Variants in NRG3 observed in about 807,000 individuals in gnomAD.
NRG3 encodes pro-neuregulin-3, membrane-bound isoform.
NRG3 carries 31 observed loss-of-function variants against 66.9 expected under a neutral mutation model. The ratio of observed to expected loss-of-function variants is 0.46; its 90% CI spans 0.35 to 0.63. NRG3 has a LOEUF of 0.63. NRG3 is among the 20% of genes least tolerant of loss of function. The pLI is 0.00. For synonymous variants in NRG3, 393 were observed against 359.4 expected, an observed-to-expected ratio of 1.09 and a Z score of -1.06; for missense variants, 910 against 878.9, an observed-to-expected ratio of 1.04 and a Z score of -0.45.
chr10:82,608,436 C>A (rs1471657228), intron 2 of NRG3, among the ~76,000 whole-genome samples: 3 of 152,034 alleles, frequency 2.0e-5, no homozygotes, highest in Non-Finnish European at 4.4e-5. Flanking sequence ...GTTCCCTGGG[C>A]TTTCTGGATC....
chr10:82,174,206 C>T (rs2072856706), intron 1 of NRG3, among the ~76,000 whole-genome samples: 1 of 152,060 alleles, frequency 6.6e-6, no homozygotes, highest in South Asian at 2.1e-4. Context: ...CTAGTAGTCC[C>T]ATTATTGCAC....
intron 2 of NRG3, among the ~76,000 whole-genome samples, chr10:82,410,713 G>A (rs2088009835): frequency 6.6e-6 from 1 of 151,846 alleles, no homozygotes; most frequent in African/African-American, 2.4e-5. Flanking sequence ...ATATCCAAAT[G>A]TATCTTTTCT....
chr10:82,489,946 T>A (rs1842961693), intron 2 of NRG3, among the ~76,000 whole-genome samples: 1 of 152,138 alleles, frequency 6.6e-6, no homozygotes, highest in African/African-American at 2.4e-5. Flanking sequence ...CTACTGAAAG[T>A]CATTTTCAAC....
rs201858635 is a variant in NRG3 at position 82,064,592 on chromosome 10, G to A, written c.823+188429G>A. On this transcript the variant is annotated intron_variant, in intron 1 of 8. Coordinates refer to ENST00000372141, the MANE Select transcript of NRG3 (RefSeq NM_001010848.4). ...ATAATCTTTGATGGATAAATGTAAA[G>A]CTATAGACGGACGATCAAGGAGTAA... 2.0e-5 allele frequency among the ~76,000 whole-genome samples: 3 copies of A among 152,054 alleles called. No individual in the cohort carries two copies. The East Asian group carries it at 5.8e-4, about 29-fold the overall frequency.
chr10:82,392,132 CTCTGCTG>C (rs1438760083), intron 2 of NRG3, among the ~76,000 whole-genome samples: 1 of 151,970 alleles, frequency 6.6e-6, no homozygotes, highest in Non-Finnish European at 1.5e-5. Context: ...TGTTATCACA[CTCTGCTG>C]TCTTCACCAA....
intron 1 of NRG3, among the ~76,000 whole-genome samples, chr10:82,216,500 A>G (rs959774479): frequency 4.0e-5 from 6 of 149,178 alleles, no homozygotes; most frequent in African/African-American, 1.5e-4. Context: ...CTCTATCTAT[A>G]CATATACACA....
At chr10:82,834,658 G>GCTGC (rs1015489119) in intron 3 of NRG3, among the ~76,000 whole-genome samples, 2 of 152,172 alleles carry the variant, frequency 1.3e-5, no homozygotes, top group African/African-American at 2.4e-5. Context: ...CACTCAAGGT[G>GCTGC]CTGCTGTGTC....
At chr10:81,905,367 C>T (rs914950011) in intron 1 of NRG3, among the ~76,000 whole-genome samples, 2 of 152,186 alleles carry the variant, frequency 1.3e-5, no homozygotes, top group Non-Finnish European at 2.9e-5. Context: ...CCTGCAAAGC[C>T]TCTGGCTACC....
chr10:82,868,707 T>C (rs528563670), intron 4 of NRG3, among the ~76,000 whole-genome samples: 1 of 152,328 alleles, frequency 6.6e-6, no homozygotes, highest in African/African-American at 2.4e-5. Flanking sequence ...TATTTTTATT[T>C]TTTGAGATGG....
rs566362555 is a variant in NRG3 at position 82,239,985 on chromosome 10, TA to T, written c.824-118753del. On this transcript the variant is annotated intron_variant, in intron 1 of 8. Transcript: ENST00000372141. ...CCTTTCCCATAATAGAGTGTACTGG[TA>T]TTTTTTTTAAAATAAGTGCAAGTCA... Among the ~76,000 whole-genome samples, 503 of 152,264 alleles carry T rather than the reference TA, an allele frequency of 3.3e-3. 5 individuals carry two copies. The highest frequency in any genetic ancestry group is 0.012 in the African/African-American group (484 of 41,576).
intron 1 of NRG3, among the ~76,000 whole-genome samples, chr10:81,945,620 C>G (rs1257032879): frequency 1.3e-5 from 2 of 152,110 alleles, no homozygotes; most frequent in Admixed American, 6.6e-5. Context: ...CCTTTTACAT[C>G]TTGATACAGT....
intron 1 of NRG3, among the ~76,000 whole-genome samples, chr10:82,282,402 T>C (rs940595123): frequency 5.3e-5 from 8 of 152,190 alleles, no homozygotes; most frequent in African/African-American, 1.9e-4. Flanking sequence ...AGTCACTTCC[T>C]TTATGCTAGT....
chr10:82,792,744 G>A (rs1328048083), intron 3 of NRG3, among the ~76,000 whole-genome samples: 2 of 151,964 alleles, frequency 1.3e-5, no homozygotes, highest in African/African-American at 2.4e-5. Flanking sequence ...GCAATGGCAT[G>A]CCCTCAGCTC....
chr10:82,363,479 G>T (rs763321568), intron 2 of NRG3, among the ~76,000 whole-genome samples: 5 of 151,672 alleles, frequency 3.3e-5, no homozygotes, highest in Admixed American at 3.3e-4. Context: ...TTTTTGAGAC[G>T]GAGTCTCGCT....
intron 1 of NRG3, among the ~76,000 whole-genome samples, chr10:82,342,456 C>A (rs2082731804): frequency 6.6e-6 from 1 of 152,002 alleles, no homozygotes; most frequent in Non-Finnish European, 1.5e-5. Flanking sequence ...TTAATATTAA[C>A]CATTCTGGCT....
chr10:82,694,153 A>G (rs753290927), intron 2 of NRG3, among the ~76,000 whole-genome samples: 1 of 152,150 alleles, frequency 6.6e-6, no homozygotes, highest in Non-Finnish European at 1.5e-5. Context: ...TTAGCTAGAC[A>G]CAGAGCGCTG....
intron 1 of NRG3, among the ~76,000 whole-genome samples, chr10:82,177,721 G>A (rs1352361392): frequency 1.3e-5 from 2 of 152,126 alleles, no homozygotes; most frequent in Non-Finnish European, 2.9e-5. Flanking sequence ...CCACAGGCGT[G>A]CGCCACCACA....
chr10:81,935,177 A>G (rs988477028), intron 1 of NRG3, among the ~76,000 whole-genome samples: 2 of 152,228 alleles, frequency 1.3e-5, no homozygotes. Flanking sequence ...TAAATATGGA[A>G]TTCGCTTTTT....
In NRG3 at chr10:82,747,805, C is replaced by T. The variant is rs539517782; in HGVS notation, c.1027+9155C>T. Among the ~76,000 whole-genome samples, 111 of 151,670 alleles carry T rather than the reference C, an allele frequency of 7.3e-4. 2 individuals are homozygous for T. The highest frequency in any genetic ancestry group is 4.4e-5 in the Non-Finnish European group (3 of 67,824). On this transcript the variant is annotated intron_variant, in intron 3 of 8. Coordinates refer to ENST00000372141, the MANE Select transcript of NRG3 (RefSeq NM_001010848.4). Reference sequence around the variant, plus strand: ...TTTTTTGAAGCATACAAAAGTTTTGCCTTTTATGGAGTCAAATCTATTAGG... The same window carrying T: ...TTTTTTGAAGCATACAAAAGTTTTGTCTTTTATGGAGTCAAATCTATTAGG...
Sources: gnomAD v4.1 joint callset for allele counts (sites outside exome capture counted in the v4.1 genomes callset) on GRCh38, gnomAD v4.1.1 for gene constraint, MANE v1.5 for transcripts, NCBI Gene and HGNC (gene_info 2026-07-23, HGNC 2026-07-21) for gene names.